Variants in STK24 observed in about 807,000 individuals in gnomAD.
STK24 encodes serine/threonine kinase 24, also known as serine/threonine-protein kinase 24.
A neutral mutation model predicts 55.6 loss-of-function variants in STK24; 21 were observed. That is an observed-to-expected ratio of 0.38 (90% CI 0.27 to 0.54). The LOEUF is 0.54. Ranked by LOEUF, STK24 falls within the 20% of genes least tolerant of loss-of-function variation. The pLI, the probability that STK24 is intolerant of heterozygous loss-of-function variation, is 0.79. For synonymous variants in STK24, 200 were observed against 215.2 expected, an observed-to-expected ratio of 0.93 and a Z score of 0.62; for missense variants, 383 against 538.4, an observed-to-expected ratio of 0.71 and a Z score of 2.86.
intron 1 of STK24, chr13:98,576,312 A>T: frequency 1.2e-6 from 1 of 809,036 alleles, no homozygotes; most frequent in Non-Finnish European, 1.5e-6. Context: ...GGGGTGGGGG[A>T]CGAGCCTGGG....
chr13:98,565,650 T>C lies in STK24; in HGVS notation c.42+11095A>G, dbSNP rs1487996298. Among the ~76,000 whole-genome samples the C allele has an allele frequency of 2.3e-5, 3 of 132,116 alleles. No individual in the cohort carries two copies. The East Asian group carries it at 7.6e-4, about 33-fold the overall frequency. The allele number at this position is 132,116 out of a possible 152,430, so 86.7% of individuals were successfully genotyped here. On this transcript the variant is annotated intron_variant, in intron 1 of 10. Coordinates refer to ENST00000539966, the MANE Select transcript of STK24 (RefSeq NM_001032296.4). ...CCATCTCAAAAAAAAAAAAAAAAAA[T>C]TATATTCGATTAGAGGGTACTTTTT...
intron 1 of STK24, among the ~76,000 whole-genome samples, chr13:98,557,577 T>G (rs1038513070): frequency 1.3e-5 from 2 of 152,228 alleles, no homozygotes; most frequent in African/African-American, 2.4e-5. Flanking sequence ...GAGACCTAGC[T>G]GGGGGACCAG....
At position 98,576,729 on chromosome 13, in the gene STK24, GC is replaced by G; in HGVS notation, c.42+15del. 6.9e-7 allele frequency: 1 copy of G among 1,458,166 alleles called. No homozygotes were observed. The highest frequency in any genetic ancestry group is 9.0e-7 in the Non-Finnish European group (1 of 1,109,224). 90.3% of individuals were successfully genotyped at this position (1,458,166 alleles called of 1,614,324 possible). A position where few individuals can be genotyped will look rare whatever the true frequency, so the allele number is the denominator to read the frequency against. ...CCCGGTCGCGCATCCCGGCCCCGCG[GC>G]CCGCGCCCGCCTACCTGCATGCCGG... On this transcript the variant is annotated intron_variant, in intron 1 of 10. Transcript: ENST00000539966.
At chr13:98,479,595 A>G (rs1894510361) in intron 3 of STK24, among the ~76,000 whole-genome samples, 1 of 152,078 alleles carries the variant, frequency 6.6e-6, no homozygotes, top group African/African-American at 2.4e-5. Flanking sequence ...GTGGGGCCCG[A>G]GATTTATGTA....
intron 1 of STK24, among the ~76,000 whole-genome samples, chr13:98,566,938 A>G (rs1897590599): frequency 6.6e-6 from 1 of 152,200 alleles, no homozygotes; most frequent in African/African-American, 2.4e-5. Context: ...TGAAGTCACC[A>G]CATTGAACAC....
At chr13:98,506,175 C>T (rs541823454) in intron 2 of STK24, among the ~76,000 whole-genome samples, 40 of 152,314 alleles carry the variant, frequency 2.6e-4, no homozygotes, top group African/African-American at 9.1e-4. Flanking sequence ...ACTCCAGAAA[C>T]GACTAGGAAC....
intron 2 of STK24, among the ~76,000 whole-genome samples, chr13:98,513,002 C>T (rs572731783): frequency 1.1e-4 from 17 of 152,332 alleles, no homozygotes; most frequent in African/African-American, 3.8e-4. Context: ...TGCAGCCCAT[C>T]GGGGTCCACT....
rs556062711 is a variant in STK24, at chr13:98,449,357, T to C, written c.*3816A>G. 2 of 152,164 alleles carry C rather than the reference T, an allele frequency of 1.3e-5. No homozygotes were observed. The highest frequency in any genetic ancestry group is 2.9e-5 in the Non-Finnish European group (2 of 68,044). The allele number at this position is 152,164 out of a possible 1,614,324, so 9.4% of individuals were successfully genotyped here. On this transcript the variant is annotated 3_prime_UTR_variant, in exon 11 of 11. Coordinates refer to ENST00000539966, the MANE Select transcript of STK24 (RefSeq NM_001032296.4). The stretch of plus-strand genomic sequence containing the variant: ...TTTTTATACTCATTCCCCCCAGGCA[T>C]GGGGTAGTGTCAGTCGGACTGCACA...
intron 2 of STK24, among the ~76,000 whole-genome samples, chr13:98,509,817 G>A (rs1323373149): frequency 6.6e-6 from 1 of 150,522 alleles, no homozygotes; most frequent in Non-Finnish European, 1.5e-5. Flanking sequence ...CTTATATAAT[G>A]TATACTGCCA....
rs1282305524 is a variant in STK24 at position 98,519,370 on chromosome 13, A to C, written c.146T>G (p.Val49Gly). 6.2e-7 allele frequency: 1 copy of C among 1,614,040 alleles called. No individual in the cohort carries two copies. The highest frequency in any genetic ancestry group is 8.5e-7 in the Non-Finnish European group (1 of 1,180,038). Residue 49 changes from valine to glycine, a missense_variant, in exon 2 of 11, where the codon GTG becomes GGG. Coordinates refer to ENST00000539966, the MANE Select transcript of STK24 (RefSeq NM_001032296.4). ...FKGIDNRTQK[V>G]VAIKIIDLEE... ...CAGATCAATGATCTTTATGGCAACC[A>C]CTTTCTGAGTCCGATTGTCAATGCC...
intron 2 of STK24, among the ~76,000 whole-genome samples, chr13:98,484,187 G>A (rs1454862313): frequency 1.3e-5 from 2 of 152,126 alleles, no homozygotes; most frequent in Admixed American, 6.5e-5. Flanking sequence ...TCACACACAC[G>A]CTCGCCTGCA....
chr13:98,498,117 G>A (rs937970765), intron 2 of STK24, among the ~76,000 whole-genome samples: 2 of 152,228 alleles, frequency 1.3e-5, no homozygotes, highest in African/African-American at 4.8e-5. Context: ...TGTCCAGTTA[G>A]CTGAGCACTG....
intron 2 of STK24, among the ~76,000 whole-genome samples, chr13:98,514,901 C>A (rs1227186835): frequency 1.3e-5 from 2 of 151,994 alleles, no homozygotes; most frequent in Non-Finnish European, 2.9e-5. Flanking sequence ...CTACTACATG[C>A]CAGCACTTTA....
chr13:98,541,889 G>C (rs1274597834), intron 1 of STK24, among the ~76,000 whole-genome samples: 1 of 152,192 alleles, frequency 6.6e-6, no homozygotes, highest in Non-Finnish European at 1.5e-5. Flanking sequence ...GTGGAATAGA[G>C]TGAGCAATAC....
chr13:98,562,234 T>A (rs1037592250), intron 1 of STK24, among the ~76,000 whole-genome samples: 9 of 152,234 alleles, frequency 5.9e-5, no homozygotes, highest in African/African-American at 2.2e-4. Context: ...GGATTCTAGA[T>A]GCTTTTGCTT....
chr13:98,452,685 C>CTGTATTGTTCTGTACTGT lies in STK24; in HGVS notation c.*487_*488insACAGTACAGAACAATACA, dbSNP rs764654031. The CTGTATTGTTCTGTACTGT allele has an allele frequency of 2.2e-3, 334 of 154,366 alleles. 2 individuals carry two copies. Among genetic ancestry groups the CTGTATTGTTCTGTACTGT allele is most frequent in the Non-Finnish European group, 3.6e-3 (251 of 69,264 alleles). The allele number at this position is 154,366 out of a possible 1,614,324, so 9.6% of individuals were successfully genotyped here. A position where few individuals can be genotyped will look rare whatever the true frequency, so the allele number is the denominator to read the frequency against. Reference sequence around the variant, plus strand: ...TACAGAAGCACTTGGCCAGTTTGTACACAGTGATTCCTTATGCACGCCGAA... The same window carrying CTGTATTGTTCTGTACTGT: ...TACAGAAGCACTTGGCCAGTTTGTACTGTATTGTTCTGTACTGTACAGTGATTCCTTATGCACGCCGAA... On this transcript the variant is annotated 3_prime_UTR_variant, in exon 11 of 11. Transcript: ENST00000539966.
chr13:98,446,437 G>A lies in STK24; in HGVS notation c.*6736C>T, dbSNP rs868689137. ...CCCTAGGAAGGGCCACCTGTCTTCTGCCTGGACAAGGGACGGGGGTTGGCT... is the reference window on the plus strand; with the variant it reads ...CCCTAGGAAGGGCCACCTGTCTTCTACCTGGACAAGGGACGGGGGTTGGCT... On this transcript the variant is annotated 3_prime_UTR_variant, in exon 11 of 11. Coordinates refer to ENST00000539966, the MANE Select transcript of STK24 (RefSeq NM_001032296.4). The A allele has an allele frequency of 1.5e-5, 9 of 603,940 alleles. No homozygotes were observed. Among genetic ancestry groups the A allele is most frequent in the Admixed American group, 1.5e-4 (5 of 33,714 alleles). 37.4% of individuals were successfully genotyped at this position (603,940 alleles called of 1,614,324 possible).
intron 1 of STK24, among the ~76,000 whole-genome samples, chr13:98,547,941 G>C (rs1383132082): frequency 1.3e-5 from 2 of 152,190 alleles, no homozygotes; most frequent in African/African-American, 4.8e-5. Context: ...CCTCATGGTA[G>C]ATGAGGCTAT....
intron 1 of STK24, among the ~76,000 whole-genome samples, chr13:98,540,890 C>T (rs1263889320): frequency 6.7e-6 from 1 of 149,876 alleles, no homozygotes; most frequent in African/African-American, 2.5e-5. Flanking sequence ...GAATTCTTAA[C>T]AGGACCCATT....
Sources: allele counts gnomAD v4.1 joint callset (sites outside exome capture counted in the v4.1 genomes callset), GRCh38; gene constraint gnomAD v4.1.1; transcripts MANE v1.5; gene names NCBI Gene and HGNC (gene_info 2026-07-23, HGNC 2026-07-21).